CD200: variants seen among roughly 807,000 people sequenced by gnomAD.
The protein encoded by CD200 is CD200 molecule, also known as OX-2 membrane glycoprotein.
In CD200, 15 loss-of-function variants were observed where a neutral mutation model predicts 30.9. The observed-to-expected ratio is 0.49, with a 90% CI of 0.32 to 0.75. The LOEUF (loss-of-function observed/expected upper bound fraction) is 0.75, where lower values mean the gene tolerates loss of function less well. Ranked by LOEUF, CD200 falls within the 30% of genes least tolerant of loss-of-function variation. The pLI is 0.03. For missense variants in CD200, 262 were observed against 324.2 expected (o/e 0.81, Z 1.47); for synonymous variants, 134 against 126.2 (o/e 1.06, Z -0.41).
chr3:112,347,746 C>G lies in CD200; in HGVS notation c.610C>G (p.Pro204Ala). The G allele has an allele frequency of 1.9e-6, 3 of 1,613,860 alleles. No individual in the cohort carries two copies. The highest frequency in any genetic ancestry group is 2.5e-6 in the Non-Finnish European group (3 of 1,179,900). ...SVTSILHIKD[P>A]KNQVGKEVIC... Reference sequence around the variant, plus strand: ...TACCAGCATCCTCCATATCAAAGACCCTAAGAATCAGGTGGGGAAGGAGGT... The same window carrying G: ...TACCAGCATCCTCCATATCAAAGACGCTAAGAATCAGGTGGGGAAGGAGGT... Residue 204 changes from proline to alanine, a missense_variant, in exon 4 of 6, where the codon CCT becomes GCT. Physicochemically the swap from Pro to Ala is conservative, Grantham distance 27. Coordinates refer to ENST00000315711, the MANE Select transcript of CD200 (RefSeq NM_005944.7).
At position 112,345,264 on chromosome 3, in the gene CD200, G is replaced by A; in HGVS notation, c.397G>A (p.Gly133Arg). Reference protein sequence around the residue: ...FNTFGFGKISGTACLTVYVQP... With the variant: ...FNTFGFGKISRTACLTVYVQP... ...TACCTTTGGTTTTGGGAAGATCTCA[G>A]GAACGGCCTGCCTCACCGTCTATGG... is the stretch of plus-strand genomic sequence containing the variant. Residue 133 changes from glycine to arginine, a missense_variant, in exon 3 of 6, where the codon GGA becomes AGA. Physicochemically the swap from Gly to Arg is moderately radical, Grantham distance 125. Coordinates refer to ENST00000315711, the MANE Select transcript of CD200 (RefSeq NM_005944.7). The A allele has an allele frequency of 6.2e-7, 1 of 1,613,656 alleles. No homozygotes were observed. The highest frequency in any genetic ancestry group is 8.5e-7 in the Non-Finnish European group (1 of 1,179,590).
chr3:112,342,324 T>C (rs375787119), intron 2 of CD200, among the ~76,000 whole-genome samples: 8,273 of 31,304 alleles, frequency 0.26, 1,785 homozygotes, highest in African/African-American at 0.35. Context: ...TTTCTTTCTT[T>C]CTTTCTTTCT....
At chr3:112,350,597 A>G (rs902801483) in intron 5 of CD200, among the ~76,000 whole-genome samples, 18 of 152,244 alleles carry the variant, frequency 1.2e-4, no homozygotes, top group African/African-American at 3.6e-4. Flanking sequence ...TAGACAATGC[A>G]TAATTTATTG....
intron 4 of CD200, among the ~76,000 whole-genome samples, 163 bp downstream of exon 4, chr3:112,347,993 A>T (rs1020109292): frequency 2.0e-5 from 3 of 152,196 alleles, no homozygotes; most frequent in African/African-American, 7.2e-5. Flanking sequence ...TTGAAGAAAC[A>T]AATAAAGCAA....
intron 2 of CD200, among the ~76,000 whole-genome samples, chr3:112,344,756 T>C (rs998697341): frequency 6.6e-6 from 1 of 152,258 alleles, no homozygotes; most frequent in African/African-American, 2.4e-5. Flanking sequence ...TTTTCTACTC[T>C]GCTACTATTC....
chr3:112,352,562 AGAG>A, intron 5 of CD200, among the ~76,000 whole-genome samples: 1 of 137,776 alleles, frequency 7.3e-6, no homozygotes, highest in East Asian at 1.9e-4. Flanking sequence ...AGAGAGAGAG[AGAG>A]AGTGTTTAGA....
In CD200 at chr3:112,345,151, A is replaced by C. The variant is rs1179033725; in HGVS notation, c.284A>C (p.Asn95Thr). The C allele has an allele frequency of 6.2e-7, 1 of 1,614,076 alleles. No individual in the cohort carries two copies. The highest frequency in any genetic ancestry group is 8.5e-7 in the Non-Finnish European group (1 of 1,179,982). Reference protein sequence around the residue: ...VIQPAYKDKINITQLGLQNST... With the variant: ...VIQPAYKDKITITQLGLQNST... ...CAGCCTGCCTATAAGGACAAGATAAACATTACCCAGCTGGGACTCCAAAAC... is the reference window on the plus strand; with the variant it reads ...CAGCCTGCCTATAAGGACAAGATAACCATTACCCAGCTGGGACTCCAAAAC... Residue 95 changes from asparagine (N) to threonine (T), a missense_variant, in exon 3 of 6, where the codon AAC becomes ACC. By Grantham distance (65) the Asn-to-Thr change is moderately conservative (BLOSUM62 0). Coordinates refer to ENST00000315711, the MANE Select transcript of CD200 (RefSeq NM_005944.7).
intron 5 of CD200, among the ~76,000 whole-genome samples, chr3:112,353,904 TGATGCTTTACATGA>T (rs1190445875): frequency 6.6e-6 from 1 of 152,174 alleles, no homozygotes; most frequent in Non-Finnish European, 1.5e-5. Flanking sequence ...GGAAGAAATG[TGATGCTTTACATGA>T]GAAAAGCGAT....
chr3:112,341,560 C>T (rs574322575), intron 2 of CD200, among the ~76,000 whole-genome samples: 2 of 152,176 alleles, frequency 1.3e-5, no homozygotes, highest in Non-Finnish European at 2.9e-5. Flanking sequence ...TGATGTTGCT[C>T]AGCATCAGCC....
intron 5 of CD200, among the ~76,000 whole-genome samples, chr3:112,359,643 T>C (rs1159799057): frequency 6.6e-6 from 1 of 152,198 alleles, no homozygotes; most frequent in Non-Finnish European, 1.5e-5. Context: ...TTTATAAGTA[T>C]TTATTAATAA....
At chr3:112,350,942 C>T (rs894049837) in intron 5 of CD200, among the ~76,000 whole-genome samples, 1 of 152,118 alleles carries the variant, frequency 6.6e-6, no homozygotes, top group Non-Finnish European at 1.5e-5. Flanking sequence ...GTGTCAGTGG[C>T]CCTTTTGCAA....
At chr3:112,335,705 C>A in intron 1 of CD200, 1 of 484,854 alleles carries the variant, frequency 2.1e-6, no homozygotes. Flanking sequence ...AAAGATCCAT[C>A]AGGAATACTG....
Position 112,361,526 on chromosome 3 carries a change from G to T in CD200, c.803-17G>T, listed in dbSNP as rs763221199. 1 of 1,597,102 alleles carries T rather than the reference G, an allele frequency of 6.3e-7. No homozygotes were observed. Among genetic ancestry groups the T allele is most frequent in the Non-Finnish European group, 8.6e-7 (1 of 1,164,644 alleles). On this transcript the variant is annotated splice_polypyrimidine_tract_variant and intron_variant, in intron 5 of 5. Coordinates refer to ENST00000315711, the MANE Select transcript of CD200 (RefSeq NM_005944.7). ...TACAAGTGTCCAAAGTTAATACCTT[G>T]TTTTTCTTTTATCCAGAGCCCTAAA...
At chr3:112,355,695 T>C (rs1384378987) in intron 5 of CD200, among the ~76,000 whole-genome samples, 1 of 152,176 alleles carries the variant, frequency 6.6e-6, no homozygotes, top group African/African-American at 2.4e-5. Context: ...CCTCAATGCT[T>C]TTCATATCAT....
chr3:112,332,911 G>GAAA, upstream of CD200: 18 of 404,160 alleles, frequency 4.5e-5, no homozygotes, highest in Middle Eastern at 6.8e-4. Flanking sequence ...CAGGAAAATG[G>GAAA]AAAAAAAAAA....
intron 5 of CD200, among the ~76,000 whole-genome samples, chr3:112,351,936 A>G (rs140738579): frequency 4.3e-4 from 66 of 152,298 alleles, no homozygotes; most frequent in African/African-American, 1.4e-3. Flanking sequence ...ACCAGCTCTC[A>G]TGGGAACTAA....
intron 4 of CD200, 107 bp from the exon 5 acceptor site, chr3:112,349,605 C>A: frequency 1.4e-6 from 1 of 731,424 alleles, no homozygotes; most frequent in Non-Finnish European, 2.1e-6. Context: ...TATAAACCTA[C>A]ATATGTATGT....
At chr3:112,348,143 G>A (rs1487784925) in intron 4 of CD200, among the ~76,000 whole-genome samples, 3 of 152,184 alleles carry the variant, frequency 2.0e-5, no homozygotes, top group Non-Finnish European at 4.4e-5. Flanking sequence ...CATGAAAAGT[G>A]CAGCAATGAG....
In CD200 at chr3:112,345,189, T is replaced by C. The variant is rs2081355836; in HGVS notation, c.322T>C (p.Phe108Leu). The C allele has an allele frequency of 6.2e-7, 1 of 1,613,990 alleles. No individual in the cohort carries two copies. Among genetic ancestry groups the C allele is most frequent in the South Asian group, 1.1e-5 (1 of 91,086 alleles). ...GGGACTCCAAAACTCAACCATCACCTTCTGGAATATCACCCTGGAGGATGA... is the reference window on the plus strand; with the variant it reads ...GGGACTCCAAAACTCAACCATCACCCTCTGGAATATCACCCTGGAGGATGA... Reference protein sequence around the residue: ...QLGLQNSTITFWNITLEDEGC... With the variant: ...QLGLQNSTITLWNITLEDEGC... Residue 108 changes from phenylalanine (F) to leucine (L), a missense_variant, in exon 3 of 6, where the codon TTC becomes CTC. Transcript: ENST00000315711.
Sources: allele counts gnomAD v4.1 joint callset (sites outside exome capture counted in the v4.1 genomes callset), GRCh38; gene constraint gnomAD v4.1.1; transcripts MANE v1.5; gene names NCBI Gene and HGNC (gene_info 2026-07-23, HGNC 2026-07-21).